The following CCNY variants were observed in gnomAD, a reference collection of about 807,000 sequenced individuals.
The protein encoded by CCNY is cyclin-Y.
CCNY carries 19 observed loss-of-function variants against 42.8 expected under a neutral mutation model. The ratio of observed to expected loss-of-function variants is 0.44; its 90% CI spans 0.31 to 0.65. CCNY has a LOEUF of 0.65. Among genes scored for constraint, CCNY ranks in the 30% least tolerant of loss-of-function variants. CCNY has a pLI of 0.07. For synonymous variants in CCNY, 165 were observed against 162.7 expected, an observed-to-expected ratio of 1.01 and a Z score of -0.11; for missense variants, 370 against 437.3, an observed-to-expected ratio of 0.85 and a Z score of 1.37.
At chr10:35,409,647 A>G (rs1387464021) in intron 1 of CCNY, among the ~76,000 whole-genome samples, 2 of 152,214 alleles carry the variant, frequency 1.3e-5, no homozygotes, top group African/African-American at 4.8e-5. Context: ...GATAATTCCC[A>G]TGTGTGAGAG....
chr10:35,457,741 C>T (rs556635667), intron 1 of CCNY, among the ~76,000 whole-genome samples: 12 of 152,196 alleles, frequency 7.9e-5, no homozygotes, highest in South Asian at 2.1e-4. Flanking sequence ...CCACCACACC[C>T]GGCTAATTTT....
At chr10:35,480,890 C>T (rs1839652452) in intron 1 of CCNY, among the ~76,000 whole-genome samples, 1 of 152,040 alleles carries the variant, frequency 6.6e-6, no homozygotes, top group Non-Finnish European at 1.5e-5. Flanking sequence ...CGCTTGAATC[C>T]AAGAAATTGA....
Position 35,474,912 on chromosome 10 carries a change from G to C in CCNY, c.155-8492G>C, listed in dbSNP as rs537231078. ...TGAAAACTTTGAAAAAAATTTAGAA[G>C]AATGTATAACTAGAATAACCAATAC... On this transcript the variant is annotated intron_variant, in intron 1 of 9. Coordinates refer to ENST00000374704, the MANE Select transcript of CCNY (RefSeq NM_145012.6). Among the ~76,000 whole-genome samples, 1,065 of 152,044 alleles carry C rather than the reference G, an allele frequency of 7.0e-3. 9 individuals are homozygous for C. Among genetic ancestry groups the C allele is most frequent in the African/African-American group, 0.024 (1,016 of 41,518 alleles).
intron 1 of CCNY, chr10:35,434,041 G>A (rs1057406644): frequency 6.6e-6 from 1 of 152,252 alleles, no homozygotes; most frequent in Admixed American, 6.5e-5. Context: ...GAGTGACAGG[G>A]AAGGGGAGCA....
intron 1 of CCNY, among the ~76,000 whole-genome samples, chr10:35,470,018 A>G (rs1029416741): frequency 6.8e-6 from 1 of 147,910 alleles, no homozygotes; most frequent in African/African-American, 2.5e-5. Flanking sequence ...AGAGACAGAC[A>G]GGGAGATAGG....
At chr10:35,271,497 T>C (rs972682020) in intron 3 of CCNY, among the ~76,000 whole-genome samples, 1 of 152,200 alleles carries the variant, frequency 6.6e-6, no homozygotes, top group East Asian at 1.9e-4. Context: ...CATTCTGAAA[T>C]ACCCGAGCAT....
intron 1 of CCNY, among the ~76,000 whole-genome samples, chr10:35,363,796 C>A (rs182225477): frequency 9.5e-4 from 145 of 152,190 alleles, no homozygotes; most frequent in Non-Finnish European, 1.8e-3. Context: ...GTGAGTGAAC[C>A]AGCAATATAA....
rs561467002 is a variant in CCNY, at chr10:35,300,414, C to T, written c.-9+49788C>T. ...GGGTCTTGCCTTGTTTCACTTCTCT[C>T]GGGGGTTACAGTTCTGCTTTGTCTG... On this transcript the variant is annotated intron_variant, in intron 3 of 11. Coordinates refer to the CCNY transcript ENST00000374706. Among the ~76,000 whole-genome samples the T allele has an allele frequency of 4.6e-5, 7 of 152,096 alleles. No individual in the cohort carries two copies. In the East Asian group the frequency reaches 1.2e-3, roughly 25 times the overall value.
intron 3 of CCNY, among the ~76,000 whole-genome samples, chr10:35,302,874 T>A (rs1835554696): frequency 6.6e-6 from 1 of 152,114 alleles, no homozygotes; most frequent in Non-Finnish European, 1.5e-5. Context: ...TTATTCAGTA[T>A]AACCAAAACA....
At chr10:35,430,076 G>A (rs1372265768) in intron 1 of CCNY, among the ~76,000 whole-genome samples, 1 of 152,004 alleles carries the variant, frequency 6.6e-6, no homozygotes, top group African/African-American at 2.4e-5. Context: ...GGTGGCTCAC[G>A]CCTGTAATCC....
chr10:35,522,645 C>T (rs1756204010), intron 4 of CCNY, among the ~76,000 whole-genome samples: 1 of 152,150 alleles, frequency 6.6e-6, no homozygotes, highest in African/African-American at 2.4e-5. Flanking sequence ...GAGGATTGTG[C>T]ATCCTACACA....
intron 7 of CCNY, among the ~76,000 whole-genome samples, chr10:35,543,002 C>T (rs768693418): frequency 9.2e-5 from 14 of 152,212 alleles, no homozygotes; most frequent in Admixed American, 4.6e-4. Context: ...TTCATCTTAG[C>T]GCACATCACT....
chr10:35,355,378 T>C (rs1222872433), intron 1 of CCNY, among the ~76,000 whole-genome samples: 1 of 152,058 alleles, frequency 6.6e-6, no homozygotes, highest in African/African-American at 2.4e-5. Flanking sequence ...TAGGAAACAC[T>C]TTTAAAAACA....
intron 1 of CCNY, among the ~76,000 whole-genome samples, chr10:35,449,977 CT>C (rs1464352567): frequency 6.6e-6 from 1 of 152,302 alleles, no homozygotes; most frequent in African/African-American, 2.4e-5. Context: ...TGTACAGCTG[CT>C]TGGGGCAGAG....
intron 7 of CCNY, among the ~76,000 whole-genome samples, chr10:35,550,439 G>T (rs141096836): frequency 5.9e-5 from 9 of 152,168 alleles, no homozygotes; most frequent in Admixed American, 3.3e-4. Context: ...CTTCCATTAA[G>T]GATTGTTCTC....
At chr10:35,457,781 C>T (rs1839069857) in intron 1 of CCNY, among the ~76,000 whole-genome samples, 1 of 152,138 alleles carries the variant, frequency 6.6e-6, no homozygotes, top group Admixed American at 6.5e-5. Flanking sequence ...ACCAGGGTTT[C>T]ACCGTGTTAG....
intron 1 of CCNY, among the ~76,000 whole-genome samples, chr10:35,349,001 C>T (rs1262916757): frequency 6.6e-6 from 1 of 152,000 alleles, no homozygotes; most frequent in Non-Finnish European, 1.5e-5. Flanking sequence ...TGCGGGTACA[C>T]TTCCATGTGA....
intron 1 of CCNY, among the ~76,000 whole-genome samples, chr10:35,425,944 T>C (rs961854046): frequency 3.3e-5 from 5 of 152,136 alleles, no homozygotes; most frequent in Admixed American, 6.5e-5. Flanking sequence ...ATCTTTATGC[T>C]GCTCAGAGGC....
chr10:35,267,342 C>T (rs2095726566), intron 3 of CCNY, among the ~76,000 whole-genome samples: 1 of 151,910 alleles, frequency 6.6e-6, no homozygotes, highest in South Asian at 2.1e-4. Flanking sequence ...TAATTCCAGC[C>T]TCATCCTCGG....
Sources: gnomAD v4.1 joint callset for allele counts (sites outside exome capture counted in the v4.1 genomes callset) on GRCh38, gnomAD v4.1.1 for gene constraint, MANE v1.5 for transcripts, NCBI Gene and HGNC (gene_info 2026-07-23, HGNC 2026-07-21) for gene names.